HPSE2: variants seen among roughly 807,000 people sequenced by gnomAD.
HPSE2 encodes heparanase 2 (inactive).
A neutral mutation model predicts 60.5 loss-of-function variants in HPSE2; 38 were observed. That is an observed-to-expected ratio of 0.63 (90% CI 0.48 to 0.82). The LOEUF (loss-of-function observed/expected upper bound fraction) is 0.82, where lower values mean the gene tolerates loss of function less well. HPSE2 is among the 40% of genes least tolerant of loss of function. The pLI is 0.00. For synonymous variants in HPSE2, 295 were observed against 293.2 expected (o/e 1.01, Z -0.06); for missense variants, 713 against 740.4 (o/e 0.96, Z 0.43).
At chr10:99,194,811 T>G (rs1222368999) in intron 2 of HPSE2, among the ~76,000 whole-genome samples, 3 of 152,004 alleles carry the variant, frequency 2.0e-5, no homozygotes, top group African/African-American at 7.2e-5. Flanking sequence ...TATTAAACAT[T>G]TAAAGAAGAA....
chr10:98,646,614 G>A (rs1427322754), intron 6 of HPSE2, among the ~76,000 whole-genome samples: 1 of 152,170 alleles, frequency 6.6e-6, no homozygotes, highest in Non-Finnish European at 1.5e-5. Context: ...TAGATTGGCA[G>A]GTCATATCAA....
chr10:99,129,547 T>C (rs1845298157), intron 3 of HPSE2, among the ~76,000 whole-genome samples: 1 of 151,952 alleles, frequency 6.6e-6, no homozygotes. Context: ...GGGTCAACAA[T>C]GAAATCAAGA....
chr10:98,656,624 G>A (rs1256144213), intron 6 of HPSE2, among the ~76,000 whole-genome samples: 2 of 152,150 alleles, frequency 1.3e-5, no homozygotes, highest in African/African-American at 4.8e-5. Flanking sequence ...TCAGGAAAAT[G>A]ATGCTTCTCA....
At chr10:98,919,970 T>C (rs1954235573) in intron 3 of HPSE2, among the ~76,000 whole-genome samples, 1 of 152,166 alleles carries the variant, frequency 6.6e-6, no homozygotes, top group Admixed American at 6.6e-5. Context: ...GTGGCAGACA[T>C]GGAGGTGCAC....
intron 3 of HPSE2, among the ~76,000 whole-genome samples, chr10:99,091,469 A>G (rs890533093): frequency 6.6e-6 from 1 of 152,172 alleles, no homozygotes; most frequent in African/African-American, 2.4e-5. Flanking sequence ...TCACTGCTAC[A>G]TCAATCTATT....
At chr10:99,026,206 C>G (rs1230686752) in intron 3 of HPSE2, among the ~76,000 whole-genome samples, 1 of 151,950 alleles carries the variant, frequency 6.6e-6, no homozygotes, top group African/African-American at 2.4e-5. Context: ...AAAATAAGAA[C>G]CATTGATCTG....
rs530990454 is a variant in HPSE2, at chr10:98,824,823, C to G, written c.611-80767G>C. Among the ~76,000 whole-genome samples the G allele has an allele frequency of 3.9e-5, 6 of 152,300 alleles. No homozygotes were observed. The South Asian group carries it at 1.2e-3, about 32-fold the overall frequency. On this transcript the variant is annotated intron_variant, in intron 3 of 11. Transcript: ENST00000370552. Reference sequence around the variant, plus strand: ...GCTGTTGCTTCTGCTCTTAAAACCTCTTCAAATGTTCCTTGTGGTATAGCA... The same window carrying G: ...GCTGTTGCTTCTGCTCTTAAAACCTGTTCAAATGTTCCTTGTGGTATAGCA...
At chr10:98,521,336 C>T (rs565235011) in intron 9 of HPSE2, among the ~76,000 whole-genome samples, 19 of 152,314 alleles carry the variant, frequency 1.2e-4, no homozygotes, top group African/African-American at 4.1e-4. Flanking sequence ...TATGAACAGA[C>T]ACTTCTCAGA....
At chr10:99,306,470 G>C in the HPSE2 span, among the ~76,000 whole-genome samples, 1 of 142,334 alleles carries the variant, frequency 7.0e-6, no homozygotes, top group African/African-American at 2.7e-5. Flanking sequence ...CATTTTGGGG[G>C]TCTGCTTTGC....
chr10:98,878,995 T>G (rs887449466), intron 3 of HPSE2, among the ~76,000 whole-genome samples: 1 of 151,854 alleles, frequency 6.6e-6, no homozygotes, highest in African/African-American at 2.4e-5. Flanking sequence ...GTCTAGCAAC[T>G]GGGAGAAGAA....
intron 2 of HPSE2, among the ~76,000 whole-genome samples, chr10:99,226,830 C>T (rs1284585165): frequency 1.3e-5 from 2 of 151,956 alleles, no homozygotes; most frequent in African/African-American, 4.8e-5. Context: ...AAGTTCCACC[C>T]GCTAAGTCCA....
chr10:99,245,617 T>C, the HPSE2 span, among the ~76,000 whole-genome samples: 1 of 152,194 alleles, frequency 6.6e-6, no homozygotes, highest in Non-Finnish European at 1.5e-5. Flanking sequence ...TTAGGAAATT[T>C]GAAATACTGA....
rs202026242 is a variant in HPSE2, at chr10:98,868,065, AAAAG to A, written c.611-124013_611-124010del. Among the ~76,000 whole-genome samples, 439 of 131,828 alleles carry A rather than the reference AAAAG, an allele frequency of 3.3e-3. 1 individual carries two copies. Among genetic ancestry groups the A allele is most frequent in the Non-Finnish European group, 5.7e-3 (365 of 63,772 alleles). The allele number at this position is 131,828 out of a possible 152,430, so 86.5% of individuals were successfully genotyped here. On this transcript the variant is annotated intron_variant, in intron 3 of 11. Coordinates refer to ENST00000370552, the MANE Select transcript of HPSE2 (RefSeq NM_021828.5). ...TGACAGAGACTCCATCTCCACAAAA[AAAAG>A]AAAGAAAGAAAATAAATAAATAAAT... is the stretch of plus-strand genomic sequence containing the variant.
chr10:99,169,066 G>A lies in HPSE2; in HGVS notation c.449-24667C>T, dbSNP rs369088105. On this transcript the variant is annotated intron_variant, in intron 2 of 11. Transcript: ENST00000370552. ...AAATTAGCCAGGCGTGGTGGTGGGC[G>A]CCTGTAGTCCCAGCTACTCGGGAGG... is the stretch of plus-strand genomic sequence containing the variant. 8.0e-4 allele frequency among the ~76,000 whole-genome samples: 121 copies of A among 151,826 alleles called. No homozygotes were observed. In the East Asian group the frequency reaches 0.012, roughly 15 times the overall value.
chr10:98,622,419 G>A (rs568237845), intron 7 of HPSE2, among the ~76,000 whole-genome samples: 1 of 152,322 alleles, frequency 6.6e-6, no homozygotes, highest in African/African-American at 2.4e-5. Context: ...TTTGCTGTTA[G>A]TTTAGGAGTA....
chr10:99,153,683 A>G (rs1235347788), intron 2 of HPSE2, among the ~76,000 whole-genome samples: 1 of 152,238 alleles, frequency 6.6e-6, no homozygotes, highest in Non-Finnish European at 1.5e-5. Context: ...GAAATTCTAA[A>G]AAGCAGAGCG....
intron 2 of HPSE2, among the ~76,000 whole-genome samples, chr10:99,196,152 A>G (rs1215092760): frequency 6.6e-6 from 1 of 152,212 alleles, no homozygotes; most frequent in Non-Finnish European, 1.5e-5. Context: ...CTGCATATCC[A>G]TATGCAGAAG....
the HPSE2 span, among the ~76,000 whole-genome samples, chr10:99,313,014 G>T: frequency 6.6e-6 from 1 of 152,156 alleles, no homozygotes; most frequent in Admixed American, 6.5e-5. Context: ...TGGCAATCCT[G>T]TTCCCTCTTC....
At chr10:98,790,966 AAT>A (rs1348243287) in intron 3 of HPSE2, among the ~76,000 whole-genome samples, 1 of 152,164 alleles carries the variant, frequency 6.6e-6, no homozygotes, top group Non-Finnish European at 1.5e-5. Context: ...AAACAGCCAA[AAT>A]ATTTGCAGGG....
Sources: gnomAD v4.1 joint callset for allele counts (sites outside exome capture counted in the v4.1 genomes callset) on GRCh38, gnomAD v4.1.1 for gene constraint, MANE v1.5 for transcripts, NCBI Gene and HGNC (gene_info 2026-07-23, HGNC 2026-07-21) for gene names.